The following DOK6 variants were observed in gnomAD, a reference collection of about 807,000 sequenced individuals.
DOK6 encodes downstream of tyrosine kinase 6.
Under a neutral mutation model 44.0 loss-of-function variants are expected in DOK6, and 22 were observed. The ratio of observed to expected loss-of-function variants is 0.50; its 90% CI spans 0.36 to 0.71. The LOEUF (loss-of-function observed/expected upper bound fraction) is 0.71, where lower values mean the gene tolerates loss of function less well. Among genes scored for constraint, DOK6 ranks in the 30% least tolerant of loss-of-function variants. The probability of loss-of-function intolerance (pLI) is 0.00; values close to 1 mark genes in which losing one functional copy is unlikely to be tolerated. For synonymous variants in DOK6, 166 were observed against 145.5 expected (o/e 1.14, Z -1.01); for missense variants, 340 against 416.4 (o/e 0.82, Z 1.60).
intron 1 of DOK6, among the ~76,000 whole-genome samples, chr18:69,430,879 T>A (rs1276725009): frequency 6.6e-6 from 1 of 152,078 alleles, no homozygotes; most frequent in Non-Finnish European, 1.5e-5. Context: ...GGCAGGAGGA[T>A]CACTTGAACC....
intron 7 of DOK6, among the ~76,000 whole-genome samples, chr18:69,760,057 G>A (rs2144756735): frequency 6.6e-6 from 1 of 152,248 alleles, no homozygotes; most frequent in East Asian, 1.9e-4. Context: ...GGGATAGATG[G>A]TTGATAGTAG....
At chr18:69,442,473 A>C (rs1042192660) in intron 1 of DOK6, among the ~76,000 whole-genome samples, 1 of 152,094 alleles carries the variant, frequency 6.6e-6, no homozygotes, top group African/African-American at 2.4e-5. Flanking sequence ...GCCCCTTATA[A>C]AACCATCAGA....
At chr18:69,814,463 AC>A (rs1242028257) in intron 7 of DOK6, among the ~76,000 whole-genome samples, 1 of 152,114 alleles carries the variant, frequency 6.6e-6, no homozygotes, top group Non-Finnish European at 1.5e-5. Flanking sequence ...CTCATAAGGA[AC>A]ACACAATCTA....
rs1208388736 is a variant in DOK6, at chr18:69,848,029, ACACACAC to A, written c.*6647_*6653del. On this transcript the variant is annotated 3_prime_UTR_variant, in exon 8 of 8. Coordinates refer to ENST00000382713, the MANE Select transcript of DOK6 (RefSeq NM_152721.6). ...AACCTTAGTGCATGCTCACACACAC[ACACACAC>A]ACACACACACACACACACACACACA... 1.4e-4 allele frequency: 10 copies of A among 73,362 alleles called. No individual in the cohort carries two copies. The East Asian group carries it at 3.9e-3, about 29-fold the overall frequency. The allele number at this position is 73,362 out of a possible 1,614,324, so 4.5% of individuals were successfully genotyped here. A position where few individuals can be genotyped will look rare whatever the true frequency, so the allele number is the denominator to read the frequency against.
In DOK6 at chr18:69,817,370, A is replaced by G. The variant is rs151246133; in HGVS notation, c.857-23874A>G. On this transcript the variant is annotated intron_variant, in intron 7 of 7. Transcript: ENST00000382713. ...TGACCCTAAAAGAGGTATCTCCAAC[A>G]TTTACCAAAGTCAGTCTTTGTCTTG... Among the ~76,000 whole-genome samples the G allele has an allele frequency of 1.9e-3, 288 of 152,296 alleles. 2 individuals are homozygous for G. Among genetic ancestry groups the G allele is most frequent in the African/African-American group, 6.6e-3 (274 of 41,566 alleles).
chr18:69,705,520 G>A lies in DOK6; in HGVS notation c.599+6927G>A, dbSNP rs1251527023. Among the ~76,000 whole-genome samples the A allele has an allele frequency of 1.8e-4, 28 of 152,026 alleles. 1 individual carries two copies. The highest frequency in any genetic ancestry group is 3.7e-4 in the Non-Finnish European group (25 of 68,006). On this transcript the variant is annotated intron_variant, in intron 5 of 7. Transcript: ENST00000382713. ...ACTTAATTAGATAAAAATGACCCAG[G>A]GCAAAGAATTAACAGATTATAATGG...
At chr18:69,623,171 A>G (rs74893046) in intron 3 of DOK6, among the ~76,000 whole-genome samples, 168 of 152,250 alleles carry the variant, frequency 1.1e-3, no homozygotes, top group Non-Finnish European at 1.7e-3. Context: ...ATCTGAATAT[A>G]TGCCAGCTTC....
intron 1 of DOK6, among the ~76,000 whole-genome samples, chr18:69,500,893 A>G (rs548080127): frequency 6.6e-6 from 1 of 152,152 alleles, no homozygotes; most frequent in Non-Finnish European, 1.5e-5. Flanking sequence ...TAAGACAGCT[A>G]ATGTGATTTA....
chr18:69,708,922 C>T (rs765840596), intron 5 of DOK6, among the ~76,000 whole-genome samples: 45 of 151,900 alleles, frequency 3.0e-4, no homozygotes, highest in African/African-American at 2.9e-4. Flanking sequence ...GAATCAAAAA[C>T]GAGCCTTTCC....
chr18:69,606,737 T>A (rs1599218064), intron 3 of DOK6, among the ~76,000 whole-genome samples: 1 of 144,522 alleles, frequency 6.9e-6, no homozygotes. Context: ...TTTATACTGA[T>A]AACAAAAGAT....
intron 4 of DOK6, among the ~76,000 whole-genome samples, chr18:69,689,381 C>T (rs1467579874): frequency 6.6e-6 from 1 of 152,058 alleles, no homozygotes. Flanking sequence ...AAATTGTTTT[C>T]TAAATAATGT....
intron 7 of DOK6, among the ~76,000 whole-genome samples, chr18:69,761,129 G>T (rs546289625): frequency 7.3e-5 from 10 of 137,626 alleles, no homozygotes; most frequent in Non-Finnish European, 1.6e-4. Context: ...CCGGGGGCCG[G>T]TTGTGACCAA....
chr18:69,541,406 T>C (rs958350661), intron 1 of DOK6, among the ~76,000 whole-genome samples: 1 of 151,520 alleles, frequency 6.6e-6, no homozygotes, highest in Non-Finnish European at 1.5e-5. Flanking sequence ...ATGATGTATG[T>C]ATATTATCCA....
chr18:69,730,902 GC>G (rs1483128929), intron 5 of DOK6, among the ~76,000 whole-genome samples: 1 of 151,958 alleles, frequency 6.6e-6, no homozygotes, highest in Non-Finnish European at 1.5e-5. Context: ...GGAGTTTGAG[GC>G]CAGCCTGAGC....
chr18:69,574,545 A>T (rs72967463), intron 2 of DOK6, among the ~76,000 whole-genome samples: 14,037 of 152,060 alleles, frequency 0.092, 770 homozygotes, highest in Middle Eastern at 0.21. Context: ...GGGGGAATGC[A>T]CTATATGAAG....
intron 1 of DOK6, among the ~76,000 whole-genome samples, chr18:69,496,961 C>T (rs1430826857): frequency 6.6e-6 from 1 of 152,148 alleles, no homozygotes; most frequent in African/African-American, 2.4e-5. Flanking sequence ...CAGGCAAAAA[C>T]ATGAGTTAAC....
At chr18:69,804,492 C>G (rs1433509529) in intron 7 of DOK6, among the ~76,000 whole-genome samples, 1 of 152,000 alleles carries the variant, frequency 6.6e-6, no homozygotes, top group Non-Finnish European at 1.5e-5. Context: ...ACTCTGATTT[C>G]AATTAGAAAC....
At chr18:69,593,938 G>A (rs796879546) in intron 2 of DOK6, among the ~76,000 whole-genome samples, 1 of 151,982 alleles carries the variant, frequency 6.6e-6, no homozygotes, top group African/African-American at 2.4e-5. Flanking sequence ...CTTTGTTCAG[G>A]TAAAATTAGT....
chr18:69,616,052 G>A (rs1239235652), intron 3 of DOK6, among the ~76,000 whole-genome samples: 4 of 152,210 alleles, frequency 2.6e-5, no homozygotes, highest in African/African-American at 9.7e-5. Context: ...ACAGTTAAGT[G>A]TGACATGCAA....
Sources: gnomAD v4.1 joint callset for allele counts (sites outside exome capture counted in the v4.1 genomes callset) on GRCh38, gnomAD v4.1.1 for gene constraint, MANE v1.5 for transcripts, NCBI Gene and HGNC (gene_info 2026-07-23, HGNC 2026-07-21) for gene names.